Variants in RAD51B observed in about 807,000 individuals in gnomAD.
RAD51B encodes the protein RAD51 paralog B.
A neutral mutation model predicts 42.2 loss-of-function variants in RAD51B; 38 were observed. That is an observed-to-expected ratio of 0.90 (90% CI 0.70 to 1.18). The LOEUF (loss-of-function observed/expected upper bound fraction) is 1.18, where lower values mean the gene tolerates loss of function less well. Ranked by LOEUF, RAD51B falls within the 50% of genes most tolerant of loss-of-function variation. RAD51B has a pLI of 0.00. For missense variants in RAD51B, 373 were observed against 400.7 expected, an observed-to-expected ratio of 0.93 and a Z score of 0.59; for synonymous variants, 154 against 145.2, an observed-to-expected ratio of 1.06 and a Z score of -0.43.
At chr14:67,978,963 T>C (rs1338568600) in intron 7 of RAD51B, among the ~76,000 whole-genome samples, 1 of 152,248 alleles carries the variant, frequency 6.6e-6, no homozygotes. Context: ...TGATGGCATT[T>C]GCAAATTGTT....
chr14:67,946,296 AG>A (rs2045389099), intron 7 of RAD51B, among the ~76,000 whole-genome samples: 1 of 152,230 alleles, frequency 6.6e-6, no homozygotes, highest in Admixed American at 6.5e-5. Flanking sequence ...TGGAATAAAT[AG>A]CTAAAGAAAT....
intron 7 of RAD51B, among the ~76,000 whole-genome samples, chr14:67,899,044 C>CT (rs1021979417): frequency 6.6e-6 from 1 of 151,340 alleles, no homozygotes; most frequent in African/African-American, 2.4e-5. Flanking sequence ...AATTTAGATT[C>CT]TTTTTTTTCT....
intron 10 of RAD51B, among the ~76,000 whole-genome samples, chr14:68,608,577 G>A (rs1048580385): frequency 6.6e-6 from 1 of 152,194 alleles, no homozygotes; most frequent in African/African-American, 2.4e-5. Flanking sequence ...CGGCTGCAGA[G>A]TACTCCTGGG....
chr14:68,251,210 A>AC (rs1252025113), intron 7 of RAD51B, among the ~76,000 whole-genome samples: 6 of 152,056 alleles, frequency 3.9e-5, no homozygotes, highest in Admixed American at 3.9e-4. Flanking sequence ...TAAAAAAAAA[A>AC]AAGATTTTGC....
intron 9 of RAD51B, among the ~76,000 whole-genome samples, chr14:68,458,394 T>C (rs2085758037): frequency 6.6e-6 from 1 of 152,236 alleles, no homozygotes; most frequent in South Asian, 2.1e-4. Flanking sequence ...CAAAATGTCA[T>C]TCTGACCCTG....
At chr14:68,413,283 G>A (rs2084466082) in intron 9 of RAD51B, among the ~76,000 whole-genome samples, 1 of 152,120 alleles carries the variant, frequency 6.6e-6, no homozygotes, top group Non-Finnish European at 1.5e-5. Flanking sequence ...TTGGCTTTTG[G>A]CTGATAAGGT....
chr14:68,522,425 C>A (rs1886643797), intron 10 of RAD51B, among the ~76,000 whole-genome samples: 1 of 151,520 alleles, frequency 6.6e-6, no homozygotes, highest in Non-Finnish European at 1.5e-5. Flanking sequence ...GAAGAGACTG[C>A]AAAAAAAATA....
chr14:68,029,928 C>T (rs1794686709), intron 7 of RAD51B, among the ~76,000 whole-genome samples: 1 of 152,132 alleles, frequency 6.6e-6, no homozygotes, highest in Admixed American at 6.5e-5. Context: ...GCTATTAATC[C>T]CCTGGTACAT....
At chr14:68,356,763 C>T (rs1268339465) in intron 8 of RAD51B, among the ~76,000 whole-genome samples, 2 of 151,650 alleles carry the variant, frequency 1.3e-5, no homozygotes, top group Admixed American at 6.6e-5. Context: ...GGGCGGATCA[C>T]GAGGTCAGGA....
chr14:68,422,329 G>A (rs373370159), intron 9 of RAD51B: 27 of 493,174 alleles, frequency 5.5e-5, no homozygotes, highest in Middle Eastern at 6.4e-4. Flanking sequence ...TTGGGAGGCC[G>A]AGGCAGGTGG....
At chr14:67,990,795 G>A (rs1299668951) in intron 7 of RAD51B, among the ~76,000 whole-genome samples, 2 of 152,142 alleles carry the variant, frequency 1.3e-5, no homozygotes, top group African/African-American at 4.8e-5. Flanking sequence ...TGTATAGTTT[G>A]TGGTAAGTAG....
chr14:68,277,863 C>G (rs1450319275), intron 7 of RAD51B, among the ~76,000 whole-genome samples: 1 of 152,168 alleles, frequency 6.6e-6, no homozygotes, highest in Non-Finnish European at 1.5e-5. Context: ...GTGCCTCAGC[C>G]TACCAAATAG....
At chr14:68,058,575 C>G (rs1210448483) in intron 7 of RAD51B, among the ~76,000 whole-genome samples, 1 of 152,126 alleles carries the variant, frequency 6.6e-6, no homozygotes. Flanking sequence ...TTGCACCTCA[C>G]TTTTTTTACT....
intron 7 of RAD51B, among the ~76,000 whole-genome samples, chr14:68,042,973 T>TAATA (rs1390400202): frequency 6.6e-6 from 1 of 152,184 alleles, no homozygotes; most frequent in Non-Finnish European, 1.5e-5. Flanking sequence ...TGATTTGCTC[T>TAATA]AATAACCACA....
At chr14:67,904,311 C>T (rs1287314586) in intron 7 of RAD51B, among the ~76,000 whole-genome samples, 2 of 151,840 alleles carry the variant, frequency 1.3e-5, no homozygotes, top group African/African-American at 4.8e-5. Flanking sequence ...CTAAGTTCTT[C>T]GAAAGATTGC....
At chr14:67,927,631 G>A (rs141427201) in intron 7 of RAD51B, among the ~76,000 whole-genome samples, 49 of 151,918 alleles carry the variant, frequency 3.2e-4, no homozygotes, top group Non-Finnish European at 5.9e-4. Flanking sequence ...ACATAATGAC[G>A]TCCAATTCCA....
At chr14:68,386,037 C>G (rs1195437617) in intron 8 of RAD51B, among the ~76,000 whole-genome samples, 3 of 152,202 alleles carry the variant, frequency 2.0e-5, no homozygotes, top group African/African-American at 7.2e-5. Flanking sequence ...TTAATCACTT[C>G]ATTGCTCTAT....
At chr14:67,878,375 C>T (rs1210650439) in intron 5 of RAD51B, among the ~76,000 whole-genome samples, 2 of 151,924 alleles carry the variant, frequency 1.3e-5, no homozygotes, top group African/African-American at 4.8e-5. Context: ...ACACTTTGTC[C>T]ATTTTTTCTT....
At chr14:67,960,307 T>G (rs1014826590) in intron 7 of RAD51B, among the ~76,000 whole-genome samples, 4 of 152,206 alleles carry the variant, frequency 2.6e-5, no homozygotes, top group Admixed American at 2.0e-4. Flanking sequence ...TGACACTACT[T>G]TACTTGATCT....
Sources: gnomAD v4.1 joint callset for allele counts (sites outside exome capture counted in the v4.1 genomes callset) on GRCh38, gnomAD v4.1.1 for gene constraint, MANE v1.5 for transcripts, NCBI Gene and HGNC (gene_info 2026-07-23, HGNC 2026-07-21) for gene names.